The following TG variants were observed in gnomAD, a reference collection of about 807,000 sequenced individuals.
TG encodes thyroglobulin.
In TG, 270 loss-of-function variants were observed where a neutral mutation model predicts 324.7. That is an observed-to-expected ratio of 0.83 (90% CI 0.75 to 0.92). The LOEUF is 0.92. TG is among the 40% of genes least tolerant of loss of function. The pLI is 0.00. For synonymous variants in TG, 1,401 were observed against 1,327.0 expected (o/e 1.06, Z -1.21); for missense variants, 3,591 against 3,456.4 (o/e 1.04, Z -0.98).
At chr8:133,131,688 T>C in intron 45 of TG, 124 bp from the exon 46 acceptor site, 1 of 1,403,660 alleles carries the variant, frequency 7.1e-7, no homozygotes, top group Non-Finnish European at 9.7e-7. Flanking sequence ...ACAGGATACT[T>C]GGATATGATA....
Position 132,962,264 on chromosome 8 carries a change from T to C in TG, c.5468-730T>C, listed in dbSNP as rs530463405. Among the ~76,000 whole-genome samples, 52 of 152,234 alleles carry C rather than the reference T, an allele frequency of 3.4e-4. 1 individual carries two copies. Among genetic ancestry groups the C allele is most frequent in the Middle Eastern group, 6.8e-3 (2 of 294 alleles). On this transcript the variant is annotated intron_variant, in intron 28 of 47. Coordinates refer to ENST00000220616, the MANE Select transcript of TG (RefSeq NM_003235.5). ...TTTTCTCATTTAATTATACCCATAA[T>C]GTAGGCCTAAAGAGGGGGTGATATT...
chr8:133,100,648 C>T (rs1238957548), intron 43 of TG, among the ~76,000 whole-genome samples: 1 of 152,142 alleles, frequency 6.6e-6, no homozygotes, highest in East Asian at 1.9e-4. Context: ...TATCTGCCTC[C>T]AAATATCCTC....
At chr8:133,036,919 G>A (rs1479795481) in intron 41 of TG, 1 of 152,368 alleles carries the variant, frequency 6.6e-6, no homozygotes, top group Non-Finnish European at 1.5e-5. Context: ...CCTGCCTTAT[G>A]CGGGAAGTCA....
At position 132,900,231 on chromosome 8, in the gene TG, T is replaced by C. The variant is rs749314221; in HGVS notation, c.3331-6T>C. The C allele has an allele frequency of 1.2e-6, 2 of 1,613,554 alleles. No individual in the cohort carries two copies. Among genetic ancestry groups the C allele is most frequent in the Non-Finnish European group, 1.7e-6 (2 of 1,179,782 alleles). On this transcript the variant is annotated splice_region_variant and splice_polypyrimidine_tract_variant and intron_variant, in intron 14 of 47. Coordinates refer to ENST00000220616, the MANE Select transcript of TG (RefSeq NM_003235.5). ...AGTGACTGACATGACCCCGGCTTTGTCTCAGACAGGAGAGTATGCCAGGCT... is the reference window on the plus strand; with the variant it reads ...AGTGACTGACATGACCCCGGCTTTGCCTCAGACAGGAGAGTATGCCAGGCT...
Position 133,128,331 on chromosome 8 carries a change from AGGCGT to A in TG, c.7863-3479_7863-3475del, listed in dbSNP as rs1365234283. Reference sequence around the variant, plus strand: ...ATTCAAATCCTGAAACTGAAACAAAAGGCGTGCACACACACACACACACACACACA... The same window carrying A: ...ATTCAAATCCTGAAACTGAAACAAAAGCACACACACACACACACACACACA... On this transcript the variant is annotated intron_variant, in intron 45 of 47. Coordinates refer to ENST00000220616, the MANE Select transcript of TG (RefSeq NM_003235.5). Among the ~76,000 whole-genome samples the A allele has an allele frequency of 7.1e-3, 734 of 104,018 alleles. 10 individuals carry two copies. Among genetic ancestry groups the A allele is most frequent in the African/African-American group, 0.028 (706 of 24,884 alleles). The allele number at this position is 104,018 out of a possible 152,430, so 68.2% of individuals were successfully genotyped here. A position where few individuals can be genotyped will look rare whatever the true frequency, so the allele number is the denominator to read the frequency against.
At chr8:133,017,032 C>T (rs747973275) in intron 37 of TG, among the ~76,000 whole-genome samples, 4 of 152,162 alleles carry the variant, frequency 2.6e-5, no homozygotes, top group South Asian at 2.1e-4. Flanking sequence ...GCAACCTTGG[C>T]GCAGAGAGAG....
chr8:132,987,431 ACT>A (rs35676595), intron 35 of TG, among the ~76,000 whole-genome samples: 54,708 of 151,830 alleles, frequency 0.36, 10,344 homozygotes, highest in African/African-American at 0.47. Context: ...ATCTTTATGT[ACT>A]CTCTATTCAG....
intron 41 of TG, chr8:133,038,288 G>A (rs778420504): frequency 3.6e-5 from 20 of 561,438 alleles, no homozygotes; most frequent in African/African-American, 2.3e-4. Flanking sequence ...AGCATCGCCC[G>A]ACATGTCATG....
At chr8:133,043,426 C>G (rs927416384) in intron 41 of TG, among the ~76,000 whole-genome samples, 2 of 152,216 alleles carry the variant, frequency 1.3e-5, no homozygotes, top group South Asian at 4.1e-4. Flanking sequence ...TCCAGGACTC[C>G]CTTCCTCTTT....
chr8:132,931,185 A>G (rs1006739520), intron 23 of TG, among the ~76,000 whole-genome samples: 5 of 152,132 alleles, frequency 3.3e-5, no homozygotes, highest in African/African-American at 1.2e-4. Context: ...TTCCCTATGT[A>G]TGTGTCTGTA....
chr8:133,061,508 G>T (rs558902210), intron 41 of TG, among the ~76,000 whole-genome samples: 2 of 152,288 alleles, frequency 1.3e-5, no homozygotes, highest in African/African-American at 4.8e-5. Context: ...AAATATTTTG[G>T]AAAGGGACAT....
At chr8:132,952,697 T>C (rs1294091038) in intron 27 of TG, among the ~76,000 whole-genome samples, 1 of 152,212 alleles carries the variant, frequency 6.6e-6, no homozygotes, top group Non-Finnish European at 1.5e-5. Flanking sequence ...GTAGTAAATA[T>C]ATTAATATCT....
chr8:133,118,320 CTTTTTTTT>C (rs34171048), intron 45 of TG, among the ~76,000 whole-genome samples: 6 of 88,974 alleles, frequency 6.7e-5, no homozygotes, highest in East Asian at 6.2e-4. Flanking sequence ...CAGATTCTTC[CTTTTTTTT>C]TTTTTTTTTT....
chr8:132,972,962 G>C (rs1419235138), intron 34 of TG, among the ~76,000 whole-genome samples: 2 of 152,192 alleles, frequency 1.3e-5, no homozygotes, highest in South Asian at 2.1e-4. Flanking sequence ...AGTAAAGACG[G>C]AAATGGACCA....
In TG at chr8:133,024,845, A is replaced by G. The variant is rs1226465147; in HGVS notation, c.7036+2695A>G. ...TTTGGGTTGGTTCCAAGTCTTTGCTATTGTAAATAGTGCTGCAATAAACAT... is the reference window on the plus strand; with the variant it reads ...TTTGGGTTGGTTCCAAGTCTTTGCTGTTGTAAATAGTGCTGCAATAAACAT... On this transcript the variant is annotated intron_variant, in intron 40 of 47. Coordinates refer to ENST00000220616, the MANE Select transcript of TG (RefSeq NM_003235.5). Among the ~76,000 whole-genome samples, 8 of 150,994 alleles carry G rather than the reference A, an allele frequency of 5.3e-5. No homozygotes were observed. In the East Asian group the frequency reaches 1.5e-3, roughly 29 times the overall value.
intron 37 of TG, among the ~76,000 whole-genome samples, chr8:133,016,465 C>G (rs1835037027): frequency 6.6e-6 from 1 of 152,174 alleles, no homozygotes; most frequent in Non-Finnish European, 1.5e-5. Context: ...CAGTTGAGAA[C>G]CTCTATATGA....
At chr8:132,968,738 G>A (rs1829015263) in intron 31 of TG, among the ~76,000 whole-genome samples, 1 of 152,230 alleles carries the variant, frequency 6.6e-6, no homozygotes, top group Non-Finnish European at 1.5e-5. Context: ...CCTCATGCCA[G>A]TATTTTTAGG....
intron 41 of TG, among the ~76,000 whole-genome samples, chr8:133,056,090 C>T (rs746599757): frequency 1.2e-4 from 18 of 152,158 alleles, no homozygotes; most frequent in Non-Finnish European, 2.5e-4. Context: ...CAGGGCAGGG[C>T]ATGGCTGTGT....
intron 45 of TG, among the ~76,000 whole-genome samples, chr8:133,131,446 T>C (rs1322439611): frequency 6.6e-6 from 1 of 152,240 alleles, no homozygotes; most frequent in Non-Finnish European, 1.5e-5. Context: ...ACTTTCATTA[T>C]TGCTTTTTCA....
Sources: gnomAD v4.1 joint callset for allele counts (sites outside exome capture counted in the v4.1 genomes callset) on GRCh38, gnomAD v4.1.1 for gene constraint, MANE v1.5 for transcripts, NCBI Gene and HGNC (gene_info 2026-07-23, HGNC 2026-07-21) for gene names.